TTC14: variants seen among roughly 807,000 people sequenced by gnomAD.
TTC14 encodes tetratricopeptide repeat protein 14.
A neutral mutation model predicts 79.9 loss-of-function variants in TTC14; 63 were observed. The ratio of observed to expected loss-of-function variants is 0.79; its 90% CI spans 0.64 to 0.97. TTC14 has a LOEUF of 0.97. TTC14 is among the 50% of genes least tolerant of loss of function. The probability of loss-of-function intolerance (pLI) is 0.00; values close to 1 mark genes in which losing one functional copy is unlikely to be tolerated. For synonymous variants in TTC14, 335 were observed against 309.6 expected (o/e 1.08, Z -0.86); for missense variants, 895 against 894.0 (o/e 1.00, Z -0.01).
At chr3:180,616,184 G>A (rs1717230385) in intron 12 of TTC14, 1 of 961,340 alleles carries the variant, frequency 1.0e-6, no homozygotes. Flanking sequence ...GTGAGTGCAT[G>A]GGCCTGCCTA....
rs769021943 is a variant in TTC14 at position 180,616,703 on chromosome 3, T to A, written c.1775-677T>A. ...CTTTGTGAGTTTTGCACACTGTTGG[T>A]AAATAATAGTCAATTATTCTATAAA... On this transcript the variant is annotated intron_variant, in intron 12 of 12. Transcript: ENST00000382584. 6.3e-7 allele frequency: 1 copy of A among 1,582,962 alleles called. No individual in the cohort carries two copies. The highest frequency in any genetic ancestry group is 2.3e-5 in the East Asian group (1 of 44,080).
At position 180,603,268 on chromosome 3, in the gene TTC14, T is replaced by C; in HGVS notation, c.431T>C (p.Val144Ala). 6.2e-7 allele frequency: 1 copy of C among 1,614,098 alleles called. No individual in the cohort carries two copies. Among genetic ancestry groups the C allele is most frequent in the Non-Finnish European group, 8.5e-7 (1 of 1,179,998 alleles). Residue 144 changes from valine (V) to alanine (A), a missense_variant, in exon 3 of 12, where the codon GTG becomes GCG. Physicochemically the swap from Val to Ala is moderately conservative, Grantham distance 64. Coordinates refer to ENST00000296015, the MANE Select transcript of TTC14 (RefSeq NM_133462.4). ...SSIREFGFFM[V>A]LICLGSGIMR... ...ATTCGGGAATTCGGTTTTTTCATGGTGTTGATCTGTTTAGGAAGTGGTATC... is the reference window on the plus strand; with the variant it reads ...ATTCGGGAATTCGGTTTTTTCATGGCGTTGATCTGTTTAGGAAGTGGTATC...
At chr3:180,618,233 G>A (rs1309537561), downstream of TTC14, among the ~76,000 whole-genome samples, 2 of 152,116 alleles carry the variant, frequency 1.3e-5, no homozygotes, top group African/African-American at 4.8e-5. Flanking sequence ...TCCAATGCAT[G>A]ACTGTATAAT....
intron 12 of TTC14, chr3:180,616,555 A>G (rs1338606655): frequency 1.3e-6 from 2 of 1,593,982 alleles, no homozygotes; most frequent in East Asian, 4.5e-5. Flanking sequence ...GGATCTCAGT[A>G]TTTTCTTCTA....
rs929633965 is a variant in TTC14, at chr3:180,605,013, G to A, written c.857+6G>A. ...TTAATGAGAGGCCTACAAAGGTATAGTACATCAGTATTACTCTTAGATGGT... is the reference window on the plus strand; with the variant it reads ...TTAATGAGAGGCCTACAAAGGTATAATACATCAGTATTACTCTTAGATGGT... On this transcript the variant is annotated splice_donor_region_variant and intron_variant, in intron 6 of 11. Transcript: ENST00000296015. 5 of 1,608,198 alleles carry A rather than the reference G, an allele frequency of 3.1e-6. No homozygotes were observed. Among genetic ancestry groups the A allele is most frequent in the Non-Finnish European group, 4.2e-6 (5 of 1,177,850 alleles).
intron 11 of TTC14, 50 bp from the exon 12 acceptor site, chr3:180,609,580 A>G (rs1256132324): frequency 3.5e-6 from 5 of 1,444,776 alleles, no homozygotes; most frequent in Non-Finnish European, 4.5e-6. Context: ...CTTTATGAAT[A>G]ATTTAGAAAC....
chr3:180,609,819 G>GA lies in TTC14; in HGVS notation c.1592dup (p.Asn531LysfsTer2). On this transcript the variant is annotated frameshift_variant, in exon 12 of 12. Coordinates refer to ENST00000296015, the MANE Select transcript of TTC14 (RefSeq NM_133462.4). LOFTEE classifies it high-confidence loss of function. ...GGGCATCCTCAAATCAGATAGATCAGAATAGGAAAGATGAGTGCTACCCAG... is the reference window on the plus strand; with the variant it reads ...GGGCATCCTCAAATCAGATAGATCAGAAATAGGAAAGATGAGTGCTACCCAG... 1 of 1,613,684 alleles carries GA rather than the reference G, an allele frequency of 6.2e-7. No homozygotes were observed. The highest frequency in any genetic ancestry group is 8.5e-7 in the Non-Finnish European group (1 of 1,179,872).
intron 12 of TTC14, chr3:180,616,761 TGAA>T (rs1350201204): frequency 2.5e-6 from 4 of 1,581,408 alleles, no homozygotes; most frequent in African/African-American, 1.4e-5. Context: ...TTTTAATAGA[TGAA>T]GGAGGATTTG....
downstream of TTC14, among the ~76,000 whole-genome samples, chr3:180,615,871 CCA>C (rs958318451): frequency 7.2e-5 from 11 of 152,090 alleles, no homozygotes; most frequent in Admixed American, 7.2e-4. Context: ...ATGTAAAATA[CCA>C]CAGTGTGGTT....
At position 180,606,586 on chromosome 3, in the gene TTC14, T is replaced by G. The variant is rs1411347306; in HGVS notation, c.1155T>G (p.Leu385=). ...CAAGAAAATACCTCTGCCAGACACT[T>G]GTAGAGAGAGGAGGACAGTAAGTAT... is the stretch of plus-strand genomic sequence containing the variant. The part of the protein sequence containing the change: ...RNARKYLCQT[L]VERGGQLEEE... Residue 385 remains leucine (L), a synonymous_variant, in exon 9 of 12, where the codon CTT becomes CTG. Coordinates refer to ENST00000296015, the MANE Select transcript of TTC14 (RefSeq NM_133462.4). The G allele has an allele frequency of 6.2e-7, 1 of 1,613,658 alleles. No individual in the cohort carries two copies. Among genetic ancestry groups the G allele is most frequent in the South Asian group, 1.1e-5 (1 of 90,962 alleles).
chr3:180,613,951 A>G (rs1717118698), downstream of TTC14: 1 of 424,336 alleles, frequency 2.4e-6, no homozygotes, highest in South Asian at 1.7e-5. Context: ...TTCTAAAATA[A>G]TGACAGTTGT....
chr3:180,603,110 T>C lies in TTC14; in HGVS notation c.287-14T>C, dbSNP rs1402224049. The C allele has an allele frequency of 5.9e-6, 4 of 675,416 alleles. No individual in the cohort carries two copies. The highest frequency in any genetic ancestry group is 8.5e-6 in the Non-Finnish European group (4 of 470,602). 41.8% of individuals were successfully genotyped at this position (675,416 alleles called of 1,614,324 possible). ...AAACTATCGTTAGTGATTTTGTTAA[T>C]TTTTTTTTTTTAGATCATTATGCAA... On this transcript the variant is annotated splice_polypyrimidine_tract_variant and intron_variant, in intron 2 of 11. Transcript: ENST00000296015.
In TTC14 at chr3:180,604,542, T is replaced by C. The variant is rs1429852400; in HGVS notation, c.636T>C (p.Leu212=). The stretch of plus-strand genomic sequence containing the variant: ...CAGTATCTCTGTATAGCTCTTCTCT[T>C]CCACCACACCTATCTGGTATTAAAT... ...KLAVSLYSSS[L]PPHLSGIKLG... is the part of the protein sequence containing the mutation. Residue 212 remains leucine, a synonymous_variant, in exon 5 of 12, where the codon CTT becomes CTC. Coordinates refer to ENST00000296015, the MANE Select transcript of TTC14 (RefSeq NM_133462.4). 2 of 1,611,058 alleles carry C rather than the reference T, an allele frequency of 1.2e-6. No homozygotes were observed. Among genetic ancestry groups the C allele is most frequent in the Non-Finnish European group, 1.7e-6 (2 of 1,178,650 alleles).
chr3:180,602,226 C>T lies in TTC14; in HGVS notation c.-36C>T, dbSNP rs1716391805. The T allele has an allele frequency of 6.2e-7, 1 of 1,609,084 alleles. No homozygotes were observed. Among genetic ancestry groups the T allele is most frequent in the African/African-American group, 1.3e-5 (1 of 74,884 alleles). ...TAGCGGACACGGAACAGGGAACTAT[C>T]AGCCCGTCGGCCTCCGGGCCCTGCA... On this transcript the variant is annotated 5_prime_UTR_variant, in exon 1 of 12. Coordinates refer to ENST00000296015, the MANE Select transcript of TTC14 (RefSeq NM_133462.4).
chr3:180,614,858 T>G, downstream of TTC14: 106 of 1,424,874 alleles, frequency 7.4e-5, no homozygotes, highest in African/African-American at 8.6e-5. Flanking sequence ...GTTGGGTCGT[T>G]TTGTATTTTA....
intron 11 of TTC14, 92 bp downstream of exon 11, chr3:180,608,902 A>G: frequency 7.8e-7 from 1 of 1,275,204 alleles, no homozygotes; most frequent in Non-Finnish European, 1.0e-6. Flanking sequence ...TAAAAATATG[A>G]AAGTATTTCA....
intron 7 of TTC14, 134 bp downstream of exon 7, chr3:180,605,971 T>C: frequency 1.0e-6 from 1 of 963,506 alleles, no homozygotes; most frequent in Middle Eastern, 3.0e-4. Flanking sequence ...AGCTTTTCTT[T>C]TATAGATGTA....
chr3:180,607,045 A>T (rs1261800064), intron 9 of TTC14, among the ~76,000 whole-genome samples: 1 of 152,162 alleles, frequency 6.6e-6, no homozygotes, highest in Non-Finnish European at 1.5e-5. Flanking sequence ...TTCATCTTTG[A>T]CTTGTCCTTT....
chr3:180,610,869 T>C lies in TTC14; in HGVS notation c.*327T>C, dbSNP rs1036815570. 2.1e-5 allele frequency: 21 copies of C among 990,360 alleles called. No homozygotes were observed. In the South Asian group the frequency reaches 8.9e-4, roughly 42 times the overall value. The allele number at this position is 990,360 out of a possible 1,614,324, so 61.3% of individuals were successfully genotyped here. A position where few individuals can be genotyped will look rare whatever the true frequency, so the allele number is the denominator to read the frequency against. ...TATGAGAATTCCTGGGTGCATCTTA[T>C]TCTGCTGTTTGAGAGAAAAATTTGT... On this transcript the variant is annotated 3_prime_UTR_variant, in exon 12 of 12. Coordinates refer to ENST00000296015, the MANE Select transcript of TTC14 (RefSeq NM_133462.4).
Sources: allele counts gnomAD v4.1 joint callset (sites outside exome capture counted in the v4.1 genomes callset), GRCh38; gene constraint gnomAD v4.1.1; transcripts MANE v1.5; gene names NCBI Gene and HGNC (gene_info 2026-07-23, HGNC 2026-07-21).